Variants in PRSS3 observed in about 807,000 individuals in gnomAD.
PRSS3 encodes the protein trypsin-3.
A neutral mutation model predicts 20.8 loss-of-function variants in PRSS3; 14 were observed. The ratio of observed to expected loss-of-function variants is 0.67; its 90% CI spans 0.44 to 1.05. The LOEUF (loss-of-function observed/expected upper bound fraction) is 1.05, where lower values mean the gene tolerates loss of function less well. Among genes scored for constraint, PRSS3 ranks in the 50% least tolerant of loss-of-function variants. The pLI is 0.00. For synonymous variants in PRSS3, 91 were observed against 117.6 expected (o/e 0.77, Z 1.46); for missense variants, 237 against 306.4 (o/e 0.77, Z 1.69).
At chr9:33,788,649 C>A (rs1824507912) in intron 1 of PRSS3, among the ~76,000 whole-genome samples, 1 of 152,146 alleles carries the variant, frequency 6.6e-6, no homozygotes, top group Non-Finnish European at 1.5e-5. Flanking sequence ...CTGGAAGGAT[C>A]ATTACAGTCT....
chr9:33,798,979 T>C, intron 4 of PRSS3, 49 bp from the exon 5 acceptor site: 1 of 1,595,716 alleles, frequency 6.3e-7, no homozygotes, highest in South Asian at 1.1e-5. Flanking sequence ...TGTAGCTATA[T>C]TCCTCCTCCA....
At chr9:33,766,496 C>A (rs906938531) in intron 1 of PRSS3, among the ~76,000 whole-genome samples, 6 of 152,032 alleles carry the variant, frequency 3.9e-5, no homozygotes, top group African/African-American at 1.4e-4. Flanking sequence ...TGGCGTGAAC[C>A]GGGGAGGTGG....
At chr9:33,784,646 C>T (rs1391471587) in intron 1 of PRSS3, among the ~76,000 whole-genome samples, 1 of 152,162 alleles carries the variant, frequency 6.6e-6, no homozygotes, top group African/African-American at 2.4e-5. Context: ...CCCAGAGTAA[C>T]AACTAGGTAT....
upstream of PRSS3, chr9:33,794,666 C>T (rs1824813941): frequency 2.1e-6 from 3 of 1,440,674 alleles, no homozygotes; most frequent in East Asian, 2.5e-5. Flanking sequence ...CAAACTCTGA[C>T]ATCTGATCAG....
At chr9:33,771,389 G>A (rs1349232990) in intron 1 of PRSS3, among the ~76,000 whole-genome samples, 11 of 150,568 alleles carry the variant, frequency 7.3e-5, no homozygotes, top group Admixed American at 4.0e-4. Flanking sequence ...GCAGTGGCGC[G>A]ATCTCAGCTC....
intron 1 of PRSS3, among the ~76,000 whole-genome samples, chr9:33,789,712 A>G (rs559266657): frequency 6.6e-6 from 1 of 152,188 alleles, no homozygotes; most frequent in Non-Finnish European, 1.5e-5. Flanking sequence ...TCCCATTACC[A>G]TAGGAAGTTG....
intron 1 of PRSS3, among the ~76,000 whole-genome samples, chr9:33,751,305 T>C (rs1009653714): frequency 1.3e-5 from 2 of 152,190 alleles, no homozygotes; most frequent in Non-Finnish European, 2.9e-5. Context: ...GCCTGGAATC[T>C]AATAACATTG....
chr9:33,798,033 T>G lies in PRSS3; in HGVS notation c.405T>G (p.Ala135=). The G allele has an allele frequency of 6.2e-7, 1 of 1,614,292 alleles. No individual in the cohort carries two copies. The highest frequency in any genetic ancestry group is 8.5e-7 in the Non-Finnish European group (1 of 1,180,044). Reference sequence around the variant, plus strand: ...CTCTGCCCACCACCCCTCCAGCTGCTGGCACTGAGTGCCTCATCTCCGGCT... The same window carrying G: ...CTCTGCCCACCACCCCTCCAGCTGCGGGCACTGAGTGCCTCATCTCCGGCT... ...TISLPTTPPA[A]GTECLISGWG... is the part of the protein sequence containing the mutation. Residue 135 remains alanine, a synonymous_variant, in exon 3 of 5, where the codon GCT becomes GCG. Transcript: ENST00000379405.
At chr9:33,782,868 A>G (rs941966369) in intron 1 of PRSS3, among the ~76,000 whole-genome samples, 2 of 152,226 alleles carry the variant, frequency 1.3e-5, no homozygotes, top group Admixed American at 6.5e-5. Flanking sequence ...ACTCCTAAGT[A>G]TTTACTTAAG....
intron 1 of PRSS3, among the ~76,000 whole-genome samples, chr9:33,787,495 G>C (rs1336930684): frequency 1.3e-5 from 2 of 152,210 alleles, no homozygotes; most frequent in Non-Finnish European, 2.9e-5. Flanking sequence ...CACAGAGAAA[G>C]AGATGCAATG....
chr9:33,777,531 C>CAAAAAAAAAAAAAA (rs74180503), intron 1 of PRSS3, among the ~76,000 whole-genome samples: 3 of 101,872 alleles, frequency 2.9e-5, no homozygotes, highest in African/African-American at 4.0e-5. Context: ...CTAAAAATAC[C>CAAAAAAAAAAAAAA]AAAAAAAAAA....
intron 1 of PRSS3, among the ~76,000 whole-genome samples, chr9:33,757,828 G>A (rs1183404471): frequency 5.3e-5 from 8 of 152,106 alleles, no homozygotes; most frequent in Admixed American, 2.6e-4. Context: ...TTTCTCTTAC[G>A]TCTTTTTATG....
upstream of PRSS3, chr9:33,794,902 CCTT>C (rs1824831696): frequency 6.5e-7 from 1 of 1,549,368 alleles, no homozygotes; most frequent in Admixed American, 2.0e-5. Flanking sequence ...TGTGTCCCCT[CCTT>C]CTTTGAAACA....
chr9:33,797,974 C>A lies in PRSS3; in HGVS notation c.346C>A (p.Pro116Thr). Residue 116 changes from proline (P) to threonine (T), a missense_variant, in exon 3 of 5, where the codon CCT becomes ACT. Coordinates refer to ENST00000379405, the MANE Select transcript of PRSS3 (RefSeq NM_002771.4). ...CATCATGCTGATCAAACTCTCCTCA[C>A]CTGCCGTCATCAATGCCCGCGTGTC... ...NDIMLIKLSS[P>T]AVINARVSTI... The A allele has an allele frequency of 6.2e-7, 1 of 1,614,292 alleles. No individual in the cohort carries two copies. Among genetic ancestry groups the A allele is most frequent in the South Asian group, 1.1e-5 (1 of 91,090 alleles).
chr9:33,796,622 C>T, intron 1 of PRSS3, 21 bp from the exon 2 acceptor site: 4 of 1,613,848 alleles, frequency 2.5e-6, no homozygotes, highest in Non-Finnish European at 3.4e-6. Flanking sequence ...CTTGCCTTCT[C>T]CCTTCCTATT....
chr9:33,784,634 T>C (rs79747121), intron 1 of PRSS3, among the ~76,000 whole-genome samples: 102 of 152,378 alleles, frequency 6.7e-4, no homozygotes, highest in Non-Finnish European at 1.2e-3. Flanking sequence ...TACTAAACAC[T>C]ACCCAGAGTA....
upstream of PRSS3, among the ~76,000 whole-genome samples, chr9:33,792,924 G>C (rs3897441): frequency 1.3e-5 from 2 of 148,556 alleles, no homozygotes; most frequent in Non-Finnish European, 3.0e-5. Context: ...TCTAGTTCAG[G>C]ATGAAGAGTA....
Position 33,798,473 on chromosome 9 carries a change from C to G in PRSS3, c.455-13C>G. The G allele has an allele frequency of 6.2e-7, 1 of 1,609,094 alleles. No individual in the cohort carries two copies. Among genetic ancestry groups the G allele is most frequent in the Non-Finnish European group, 8.5e-7 (1 of 1,177,472 alleles). ...CATTTCTACTTTCTTTGATCTCTTC[C>G]TGATCCTCACAGCTGACTACCCAGA... On this transcript the variant is annotated splice_polypyrimidine_tract_variant and intron_variant, in intron 3 of 4. Coordinates refer to ENST00000379405, the MANE Select transcript of PRSS3 (RefSeq NM_002771.4).
upstream of PRSS3, among the ~76,000 whole-genome samples, chr9:33,792,415 G>A (rs564854025): frequency 5.3e-5 from 8 of 152,334 alleles, no homozygotes; most frequent in East Asian, 1.4e-3. Flanking sequence ...ACGTGAAGAG[G>A]AACAAACTTT....
Sources: allele counts gnomAD v4.1 joint callset (sites outside exome capture counted in the v4.1 genomes callset), GRCh38; gene constraint gnomAD v4.1.1; transcripts MANE v1.5; gene names NCBI Gene and HGNC (gene_info 2026-07-23, HGNC 2026-07-21).